The following RABGAP1L variants were observed in gnomAD, a reference collection of about 807,000 sequenced individuals.
The protein encoded by RABGAP1L is rab GTPase-activating protein 1-like.
A neutral mutation model predicts 137.7 loss-of-function variants in RABGAP1L; 63 were observed. The ratio of observed to expected loss-of-function variants is 0.46; its 90% CI spans 0.37 to 0.56. RABGAP1L has a LOEUF of 0.56. RABGAP1L is among the 20% of genes least tolerant of loss of function. RABGAP1L has a pLI of 0.00. For synonymous variants in RABGAP1L, 431 were observed against 433.7 expected (o/e 0.99, Z 0.08); for missense variants, 1,095 against 1,244.0 (o/e 0.88, Z 1.80).
At position 174,409,653 on chromosome 1, in the gene RABGAP1L, CAAGG is replaced by C. The variant is rs375120921; in HGVS notation, c.1710+15511_1710+15514del. 8.8e-3 allele frequency among the ~76,000 whole-genome samples: 1,339 copies of C among 152,120 alleles called. 18 individuals carry two copies. The highest frequency in any genetic ancestry group is 0.03 in the African/African-American group (1,263 of 41,476). On this transcript the variant is annotated intron_variant, in intron 13 of 25. Transcript: ENST00000681986. ...AGATATCGCTGAATTCTTTTCCTAG[CAAGG>C]AATATTAATAATTAAGACCCTGGGA... is the stretch of plus-strand genomic sequence containing the variant.
At chr1:174,417,421 G>A (rs939927840) in intron 13 of RABGAP1L, among the ~76,000 whole-genome samples, 2 of 152,180 alleles carry the variant, frequency 1.3e-5, no homozygotes, top group African/African-American at 2.4e-5. Context: ...TCTTGCGAAT[G>A]TTGGGGGTAA....
intron 19 of RABGAP1L, among the ~76,000 whole-genome samples, chr1:174,883,320 A>G (rs552554590): frequency 2.0e-5 from 3 of 152,332 alleles, no homozygotes; most frequent in African/African-American, 7.2e-5. Context: ...AGCTGTAACT[A>G]ATTGTCTCCT....
At chr1:174,182,773 T>A (rs1286490344) in intron 1 of RABGAP1L, among the ~76,000 whole-genome samples, 1 of 152,174 alleles carries the variant, frequency 6.6e-6, no homozygotes, top group Non-Finnish European at 1.5e-5. Context: ...TCTACAACAG[T>A]GTAGAATGTA....
chr1:174,764,003 T>C (rs912174806), intron 18 of RABGAP1L, among the ~76,000 whole-genome samples: 8 of 152,206 alleles, frequency 5.3e-5, no homozygotes, highest in African/African-American at 1.9e-4. Flanking sequence ...TTCTAATCTG[T>C]TTTCTATCTC....
intron 7 of RABGAP1L, among the ~76,000 whole-genome samples, chr1:174,268,562 C>T (rs1308285029): frequency 3.2e-4 from 49 of 152,084 alleles, no homozygotes; most frequent in Admixed American, 3.2e-3. Flanking sequence ...CTTTTCCTCT[C>T]TCTCCTTCCC....
chr1:174,858,553 A>C (rs187475565), intron 19 of RABGAP1L, among the ~76,000 whole-genome samples: 2 of 149,316 alleles, frequency 1.3e-5, no homozygotes, highest in East Asian at 3.9e-4. Flanking sequence ...AGATTGAAAA[A>C]CTCTTCCGTA....
chr1:174,907,181 G>C (rs1659235424), intron 19 of RABGAP1L, among the ~76,000 whole-genome samples: 1 of 152,170 alleles, frequency 6.6e-6, no homozygotes, highest in Non-Finnish European at 1.5e-5. Context: ...ACAGCAGCCT[G>C]TTAAGAGATA....
intron 14 of RABGAP1L, among the ~76,000 whole-genome samples, chr1:174,649,492 G>A (rs1252840378): frequency 1.3e-5 from 2 of 152,096 alleles, no homozygotes; most frequent in African/African-American, 4.8e-5. Flanking sequence ...AATTCTGGTT[G>A]AAAATTCTTT....
intron 17 of RABGAP1L, among the ~76,000 whole-genome samples, chr1:174,747,038 A>G (rs1683929797): frequency 6.6e-6 from 1 of 152,216 alleles, no homozygotes; most frequent in Admixed American, 6.5e-5. Flanking sequence ...AGAACAAACA[A>G]ATTGCTGGGG....
intron 13 of RABGAP1L, among the ~76,000 whole-genome samples, chr1:174,614,949 C>G (rs1367306392): frequency 2.0e-5 from 3 of 152,298 alleles, no homozygotes; most frequent in East Asian, 1.9e-4. Context: ...AAGCACTTCT[C>G]TATATTGGTT....
intron 9 of RABGAP1L, 74 bp downstream of exon 9, chr1:174,276,009 TA>T (rs1169840820): frequency 2.5e-5 from 32 of 1,269,354 alleles, no homozygotes; most frequent in East Asian, 5.1e-5. Context: ...TGTCATGTTT[TA>T]AAAAAAATTT....
In RABGAP1L at chr1:174,957,505, C is replaced by A. The variant is rs1337419846; in HGVS notation, c.2389C>A (p.Arg797=). Residue 797 remains arginine, a synonymous_variant, in exon 20 of 26, where the codon CGA becomes AGA. Transcript: ENST00000681986. ...KKYEKEYQTM[R]ESQLQQEDPM... ...ATATGAGAAAGAATATCAGACAATG[C>A]GAGAGAGTCAGCTGCAACAGGAAGA... 1 of 1,613,460 alleles carries A rather than the reference C, an allele frequency of 6.2e-7. No homozygotes were observed. The highest frequency in any genetic ancestry group is 8.5e-7 in the Non-Finnish European group (1 of 1,179,528).
chr1:174,702,406 T>C (rs950641827), intron 17 of RABGAP1L, 150 bp downstream of exon 17: 2 of 612,640 alleles, frequency 3.3e-6, no homozygotes, highest in African/African-American at 3.8e-5. Context: ...CAGTAAAAAC[T>C]ATTTTAATTG....
At chr1:174,970,732 T>TA (rs904987190) in intron 21 of RABGAP1L, among the ~76,000 whole-genome samples, 7 of 146,662 alleles carry the variant, frequency 4.8e-5, no homozygotes, top group Admixed American at 1.4e-4. Context: ...AAAGCTATCC[T>TA]AAAAAAAAAA....
At position 174,219,693 on chromosome 1, in the gene RABGAP1L, C is replaced by T. The variant is rs561280258; in HGVS notation, c.138+398C>T. ...TTTTATGTTTTAAATCAGCTGGTAA[C>T]GTTCCGTTGTGTGATTTAACAGTCG... On this transcript the variant is annotated intron_variant, in intron 2 of 25. Coordinates refer to ENST00000681986, the MANE Select transcript of RABGAP1L (RefSeq NM_001366446.1). Among the ~76,000 whole-genome samples the T allele has an allele frequency of 2.6e-5, 4 of 152,220 alleles. No individual in the cohort carries two copies. The South Asian group carries it at 6.2e-4, about 24-fold the overall frequency.
chr1:174,581,111 A>C (rs10912809), intron 13 of RABGAP1L, among the ~76,000 whole-genome samples: 7,917 of 152,240 alleles, frequency 0.052, 665 homozygotes, highest in African/African-American at 0.18. Context: ...AAAACAGCTG[A>C]CACTTCCTCA....
At position 174,365,998 on chromosome 1, in the gene RABGAP1L, C is replaced by T. The variant is rs994159028; in HGVS notation, c.1466-4981C>T. On this transcript the variant is annotated intron_variant, in intron 11 of 25. Coordinates refer to ENST00000681986, the MANE Select transcript of RABGAP1L (RefSeq NM_001366446.1). ...GGTAAACAACAAGGTTACAATGTAACTCTATTATAAATTTTGATTTTTTTT... is the reference window on the plus strand; with the variant it reads ...GGTAAACAACAAGGTTACAATGTAATTCTATTATAAATTTTGATTTTTTTT... Among the ~76,000 whole-genome samples the T allele has an allele frequency of 5.3e-5, 8 of 151,504 alleles. No homozygotes were observed. The East Asian group carries it at 1.6e-3, about 30-fold the overall frequency.
At chr1:174,368,060 G>C (rs1684800013) in intron 11 of RABGAP1L, 1 of 152,636 alleles carries the variant, frequency 6.6e-6, no homozygotes, top group African/African-American at 2.4e-5. Flanking sequence ...TGTGGTGCTA[G>C]AACAGTCAGT....
At chr1:174,893,420 A>G (rs1262379287) in intron 19 of RABGAP1L, among the ~76,000 whole-genome samples, 1 of 152,186 alleles carries the variant, frequency 6.6e-6, no homozygotes, top group Non-Finnish European at 1.5e-5. Flanking sequence ...ATAAAATAGA[A>G]AATACAAAGT....
Sources: gnomAD v4.1 joint callset for allele counts (sites outside exome capture counted in the v4.1 genomes callset) on GRCh38, gnomAD v4.1.1 for gene constraint, MANE v1.5 for transcripts, NCBI Gene and HGNC (gene_info 2026-07-23, HGNC 2026-07-21) for gene names.